Variants in FILIP1L observed in about 807,000 individuals in gnomAD.
FILIP1L encodes the protein filamin A-interacting protein 1-like.
A neutral mutation model predicts 96.6 loss-of-function variants in FILIP1L; 55 were observed. That is an observed-to-expected ratio of 0.57 (90% CI 0.46 to 0.71). The LOEUF (loss-of-function observed/expected upper bound fraction) is 0.71. Among genes scored for constraint, FILIP1L ranks in the 30% least tolerant of loss-of-function variants. The probability of loss-of-function intolerance (pLI) is 0.00; values close to 1 mark genes in which losing one functional copy is unlikely to be tolerated. For missense variants in FILIP1L, 1,304 were observed against 1,321.2 expected (o/e 0.99, Z 0.20); for synonymous variants, 467 against 473.9 (o/e 0.99, Z 0.19).
At chr3:99,878,401 C>T (rs1036694772) in intron 4 of FILIP1L, among the ~76,000 whole-genome samples, 1 of 152,162 alleles carries the variant, frequency 6.6e-6, no homozygotes, top group Non-Finnish European at 1.5e-5. Context: ...AAGGTCACAC[C>T]GCTACTAAAG....
chr3:100,057,779 T>C (rs2065490403), intron 1 of FILIP1L, among the ~76,000 whole-genome samples: 1 of 152,186 alleles, frequency 6.6e-6, no homozygotes, highest in South Asian at 2.1e-4. Context: ...AACCTACCCC[T>C]GCTACTGGAA....
chr3:100,062,872 A>G (rs190916228), intron 1 of FILIP1L, among the ~76,000 whole-genome samples: 1 of 152,316 alleles, frequency 6.6e-6, no homozygotes, highest in East Asian at 1.9e-4. Context: ...TTACTTGTAC[A>G]AAGTGGACAT....
intron 1 of FILIP1L, among the ~76,000 whole-genome samples, chr3:99,975,232 A>T (rs1445964589): frequency 6.6e-6 from 1 of 152,184 alleles, no homozygotes; most frequent in Non-Finnish European, 1.5e-5. Context: ...TCCTTCATTC[A>T]TGCATCCATT....
At chr3:100,034,300 T>A (rs1170825291) in intron 1 of FILIP1L, among the ~76,000 whole-genome samples, 1 of 152,206 alleles carries the variant, frequency 6.6e-6, no homozygotes, top group African/African-American at 2.4e-5. Context: ...CCACTTATTG[T>A]CTGGAGAAAA....
intron 1 of FILIP1L, among the ~76,000 whole-genome samples, chr3:99,974,462 C>A (rs1173224932): frequency 1.3e-5 from 2 of 152,128 alleles, no homozygotes; most frequent in South Asian, 4.1e-4. Flanking sequence ...GTAATCACAG[C>A]ACTTTGGGAG....
intron 1 of FILIP1L, among the ~76,000 whole-genome samples, chr3:100,061,384 G>T (rs546038175): frequency 6.6e-6 from 1 of 152,168 alleles, no homozygotes; most frequent in African/African-American, 2.4e-5. Context: ...TTTGCTTAGA[G>T]ATTAAAACTT....
At chr3:100,044,110 A>G (rs1014152887) in intron 1 of FILIP1L, among the ~76,000 whole-genome samples, 3 of 152,186 alleles carry the variant, frequency 2.0e-5, no homozygotes, top group Non-Finnish European at 4.4e-5. Flanking sequence ...TTTAAAAGGG[A>G]ATGTGCTTTA....
intron 4 of FILIP1L, among the ~76,000 whole-genome samples, chr3:99,880,534 A>G (rs567763072): frequency 2.5e-4 from 38 of 152,306 alleles, no homozygotes; most frequent in African/African-American, 8.2e-4. Flanking sequence ...CTATGACTCT[A>G]GAACAGTGAC....
chr3:100,036,671 A>C (rs999090400), intron 1 of FILIP1L, among the ~76,000 whole-genome samples: 2 of 152,218 alleles, frequency 1.3e-5, no homozygotes, highest in African/African-American at 4.8e-5. Flanking sequence ...TGCTGAAACA[A>C]TTTTTTAAAA....
chr3:99,894,252 AGG>A (rs1213898889), intron 4 of FILIP1L, among the ~76,000 whole-genome samples: 1 of 152,224 alleles, frequency 6.6e-6, no homozygotes, highest in African/African-American at 2.4e-5. Flanking sequence ...TTCAGTGCTA[AGG>A]GAGAAGATCT....
intron 4 of FILIP1L, among the ~76,000 whole-genome samples, chr3:99,884,709 T>G (rs1416877445): frequency 6.6e-6 from 1 of 152,222 alleles, no homozygotes. Flanking sequence ...ATAACAATCA[T>G]GTGCGAACTA....
At chr3:99,966,731 A>G (rs1708665023) in intron 1 of FILIP1L, among the ~76,000 whole-genome samples, 1 of 152,250 alleles carries the variant, frequency 6.6e-6, no homozygotes, top group South Asian at 2.1e-4. Flanking sequence ...GTAGTGTGTC[A>G]GATTTGAAAA....
chr3:99,967,388 G>A (rs1708685457), intron 1 of FILIP1L, among the ~76,000 whole-genome samples: 1 of 152,218 alleles, frequency 6.6e-6, no homozygotes, highest in Non-Finnish European at 1.5e-5. Context: ...TTCTCGTGAA[G>A]AGTAAATAGA....
intron 1 of FILIP1L, among the ~76,000 whole-genome samples, chr3:100,039,255 C>CA (rs1478868566): frequency 6.6e-6 from 1 of 152,124 alleles, no homozygotes; most frequent in African/African-American, 2.4e-5. Context: ...AACTTGACCT[C>CA]AAAAAACTGA....
chr3:99,865,955 C>T (rs1944491401), intron 4 of FILIP1L, among the ~76,000 whole-genome samples: 1 of 151,910 alleles, frequency 6.6e-6, no homozygotes, highest in African/African-American at 2.4e-5. Context: ...CTCCATTAGT[C>T]CCTTTTTTCT....
chr3:100,043,305 G>A (rs2065233679), intron 1 of FILIP1L, among the ~76,000 whole-genome samples: 1 of 152,152 alleles, frequency 6.6e-6, no homozygotes, highest in South Asian at 2.1e-4. Context: ...ATTCCCCTTT[G>A]AAAGATTATA....
At chr3:99,856,835 CTGAG>C (rs1393054738) in intron 4 of FILIP1L, among the ~76,000 whole-genome samples, 3 of 152,190 alleles carry the variant, frequency 2.0e-5, no homozygotes, top group East Asian at 3.8e-4. Context: ...CTGTGAGACA[CTGAG>C]TATTAGTAAT....
chr3:100,072,141 C>T (rs899442283), intron 1 of FILIP1L, among the ~76,000 whole-genome samples: 1 of 152,178 alleles, frequency 6.6e-6, no homozygotes, highest in Non-Finnish European at 1.5e-5. Flanking sequence ...TATTTTAAGA[C>T]CAAACACTAG....
At chr3:99,970,061 T>C (rs889701721) in intron 1 of FILIP1L, among the ~76,000 whole-genome samples, 1 of 152,260 alleles carries the variant, frequency 6.6e-6, no homozygotes, top group African/African-American at 2.4e-5. Flanking sequence ...ATAAGCCATA[T>C]AAACTTGTTG....
Sources: allele counts gnomAD v4.1 joint callset (sites outside exome capture counted in the v4.1 genomes callset), GRCh38; gene constraint gnomAD v4.1.1; transcripts MANE v1.5; gene names NCBI Gene and HGNC (gene_info 2026-07-23, HGNC 2026-07-21).